NEXMIF: variants seen among roughly 807,000 people sequenced by gnomAD.
The protein encoded by NEXMIF is neurite extension and migration factor.
A neutral mutation model predicts 62.1 loss-of-function variants in NEXMIF; 8 were observed. The observed-to-expected ratio is 0.13, with a 90% CI of 0.08 to 0.23. NEXMIF has a LOEUF of 0.23. Among genes scored for constraint, NEXMIF ranks in the 10% least tolerant of loss-of-function variants. The probability of loss-of-function intolerance (pLI) is 1.00; values close to 1 mark genes in which losing one functional copy is unlikely to be tolerated. For missense variants in NEXMIF, 976 were observed against 1,113.3 expected (o/e 0.88, Z 1.75); for synonymous variants, 404 against 416.6 (o/e 0.97, Z 0.37).
intron 1 of NEXMIF, among the ~76,000 whole-genome samples, chrX:74,908,411 C>G (rs1178269145): frequency 8.9e-6 from 1 of 111,859 alleles, no homozygotes; most frequent in African/African-American, 3.2e-5. Flanking sequence ...CAATTCTACT[C>G]AGTGCTGGAA....
At chrX:74,775,612 C>A (rs955000251) in intron 1 of NEXMIF, among the ~76,000 whole-genome samples, 4 of 111,589 alleles carry the variant, frequency 3.6e-5, no homozygotes, top group African/African-American at 6.5e-5. Context: ...AGATTTCCAG[C>A]CAATGGGTAT....
At chrX:74,815,635 C>CTT (rs1216144220) in intron 1 of NEXMIF, among the ~76,000 whole-genome samples, 6 of 99,589 alleles carry the variant, frequency 6.0e-5, no homozygotes, top group Non-Finnish European at 6.2e-5. Context: ...TCTACAACTA[C>CTT]TTTTTTTTTT....
At chrX:74,745,481 C>T (rs2080123502) in intron 2 of NEXMIF, 91 bp downstream of exon 2, 6 of 625,159 alleles carry the variant, frequency 9.6e-6, no homozygotes, top group Non-Finnish European at 1.6e-5. Context: ...CTGGACTCAA[C>T]CTGTCCCAAC....
intron 1 of NEXMIF, among the ~76,000 whole-genome samples, chrX:74,864,645 C>A (rs775116936): frequency 8.9e-6 from 1 of 112,256 alleles, no homozygotes; most frequent in East Asian, 2.8e-4. Context: ...GAGGCCTTCC[C>A]AGCCATGGGG....
At chrX:74,796,804 C>G (rs1262083236) in intron 1 of NEXMIF, among the ~76,000 whole-genome samples, 1 of 111,505 alleles carries the variant, frequency 9.0e-6, no homozygotes, top group East Asian at 2.8e-4. Context: ...GACATATCGT[C>G]CTAACAGAAG....
At chrX:74,810,279 G>A (rs1279915326) in intron 1 of NEXMIF, among the ~76,000 whole-genome samples, 2 of 111,679 alleles carry the variant, frequency 1.8e-5, no homozygotes, top group Non-Finnish European at 3.8e-5. Flanking sequence ...ATAGGGAGAT[G>A]TAGGGATGGG....
At chrX:74,763,486 G>T (rs1333719678) in intron 1 of NEXMIF, among the ~76,000 whole-genome samples, 10 of 111,686 alleles carry the variant, frequency 9.0e-5, no homozygotes, top group African/African-American at 9.8e-5. Context: ...TAAAGTAGTT[G>T]TTTCCAATTC....
At chrX:74,816,483 T>C (rs2080376377) in intron 1 of NEXMIF, among the ~76,000 whole-genome samples, 2 of 112,253 alleles carry the variant, frequency 1.8e-5, no homozygotes, top group Non-Finnish European at 3.8e-5. Context: ...AACCATTTCC[T>C]TTATAGATTG....
intron 1 of NEXMIF, among the ~76,000 whole-genome samples, chrX:74,872,358 G>C (rs968781960): frequency 9.6e-6 from 1 of 104,115 alleles, no homozygotes; most frequent in Non-Finnish European, 2.0e-5. Flanking sequence ...TCACTTATTT[G>C]TGGAAGCTAA....
At chrX:74,850,565 A>AACAACC (rs1249595388) in intron 1 of NEXMIF, among the ~76,000 whole-genome samples, 1 of 112,033 alleles carries the variant, frequency 8.9e-6, no homozygotes, top group Non-Finnish European at 1.9e-5. Context: ...AGCCTTCACT[A>AACAACC]ACAACCACAC....
intron 1 of NEXMIF, among the ~76,000 whole-genome samples, chrX:74,796,209 T>TTATATATATATACATACATAATA (rs2080309038): frequency 2.1e-5 from 1 of 46,615 alleles, no homozygotes; most frequent in Admixed American, 3.7e-4. Flanking sequence ...TACATATATA[T>TTATATATATATACATACATAATA]TATATATATA....
chrX:74,902,158 CA>C (rs775303433), intron 1 of NEXMIF, among the ~76,000 whole-genome samples: 2 of 108,540 alleles, frequency 1.8e-5, no homozygotes, highest in South Asian at 4.0e-4. Context: ...GTCATCTTAA[CA>C]AAAAAAAGGT....
chrX:74,903,854 C>T (rs1427560248), intron 1 of NEXMIF, among the ~76,000 whole-genome samples: 3 of 106,628 alleles, frequency 2.8e-5, no homozygotes, highest in African/African-American at 1.0e-4. Flanking sequence ...AACAATGCAA[C>T]CAAAACTGTA....
intron 1 of NEXMIF, among the ~76,000 whole-genome samples, chrX:74,795,496 G>C (rs1318860621): frequency 9.0e-6 from 1 of 111,646 alleles, no homozygotes; most frequent in African/African-American, 3.3e-5. Context: ...AAACTATAGG[G>C]ATGGGATACT....
intron 1 of NEXMIF, among the ~76,000 whole-genome samples, chrX:74,859,583 TA>T (rs1194143394): frequency 2.0e-4 from 22 of 111,336 alleles, no homozygotes; most frequent in Non-Finnish European, 3.8e-4. Flanking sequence ...AACTCACTGG[TA>T]ATAGTAAGTA....
intron 1 of NEXMIF, among the ~76,000 whole-genome samples, chrX:74,890,009 CCTCT>C (rs72396692): frequency 5.6e-4 from 53 of 95,326 alleles, no homozygotes; most frequent in Admixed American, 6.8e-4. Context: ...TCTCTCTCTC[CCTCT>C]CTCTCTCTCT....
rs1340709985 is a variant in NEXMIF, at chrX:74,876,746, T to C, written c.-48+48137A>G. Among the ~76,000 whole-genome samples the C allele has an allele frequency of 5.9e-5, 6 of 101,634 alleles. No individual in the cohort carries two copies. In the Admixed American group the frequency reaches 6.6e-4, roughly 11 times the overall value. 88.3% of individuals were successfully genotyped at this position (101,634 alleles called of 115,157 possible). A position where few individuals can be genotyped will look rare whatever the true frequency, so the allele number is the denominator to read the frequency against. On this transcript the variant is annotated intron_variant, in intron 1 of 3. Transcript: ENST00000055682. Reference sequence around the variant, plus strand: ...AATTGATCCCTTTACCATTATGTAATGGCCTTCTTTGTCTCTTTTGATCTT... The same window carrying C: ...AATTGATCCCTTTACCATTATGTAACGGCCTTCTTTGTCTCTTTTGATCTT...
chrX:74,907,471 G>C (rs1293544385), intron 1 of NEXMIF, among the ~76,000 whole-genome samples: 1 of 109,637 alleles, frequency 9.1e-6, no homozygotes, highest in Non-Finnish European at 1.9e-5. Flanking sequence ...TCACTTTAAA[G>C]TGTCTGAGAC....
chrX:74,844,552 C>A (rs773870284), intron 1 of NEXMIF, among the ~76,000 whole-genome samples: 1 of 111,140 alleles, frequency 9.0e-6, no homozygotes, highest in Non-Finnish European at 1.9e-5. Context: ...ACTCCCCTGG[C>A]GAGCCTCATG....
Sources: gnomAD v4.1 joint callset for allele counts (sites outside exome capture counted in the v4.1 genomes callset) on GRCh38, gnomAD v4.1.1 for gene constraint, MANE v1.5 for transcripts, NCBI Gene and HGNC (gene_info 2026-07-23, HGNC 2026-07-21) for gene names.